The following EVI5 variants were observed in gnomAD, a reference collection of about 807,000 sequenced individuals.
The protein encoded by EVI5 is ecotropic viral integration site 5 protein homolog.
A neutral mutation model predicts 112.0 loss-of-function variants in EVI5; 73 were observed. That is an observed-to-expected ratio of 0.65 (90% confidence interval 0.54 to 0.79). The LOEUF is 0.79. Ranked by LOEUF, EVI5 falls within the 30% of genes least tolerant of loss-of-function variation. The pLI, the probability that EVI5 is intolerant of heterozygous loss-of-function variation, is 0.00. For synonymous variants in EVI5, 305 were observed against 319.9 expected, an observed-to-expected ratio of 0.95 and a Z score of 0.50; for missense variants, 900 against 968.8, an observed-to-expected ratio of 0.93 and a Z score of 0.94.
At chr1:92,526,012 T>C (rs748188587) in intron 19 of EVI5, among the ~76,000 whole-genome samples, 4 of 152,140 alleles carry the variant, frequency 2.6e-5, no homozygotes, top group Non-Finnish European at 5.9e-5. Flanking sequence ...TTTCCAAGAC[T>C]TTGAGTAGGG....
At position 92,607,638 on chromosome 1, in the gene EVI5, T is replaced by C. The variant is rs1488707895; in HGVS notation, c.1917A>G (p.Lys639=). 6.2e-7 allele frequency: 1 copy of C among 1,607,352 alleles called. No homozygotes were observed. The highest frequency in any genetic ancestry group is 8.5e-7 in the Non-Finnish European group (1 of 1,177,754). ...EKVQYLSAQN[K]GLLTQLSEAK... ...CTTCACTTAATTGAGTAAGGAGTCC[T>C]TTGTTCTGTGCAGAAAGATACTGCA... The change falls in exon 17 of 20, where the codon AAA becomes AAG. Residue 639 remains lysine, a synonymous_variant. Transcript: ENST00000684568.
intron 1 of EVI5, among the ~76,000 whole-genome samples, chr1:92,752,205 C>T (rs538651618): frequency 6.6e-6 from 1 of 152,060 alleles, no homozygotes; most frequent in Admixed American, 6.5e-5. Context: ...GACGGAATCT[C>T]GCTCTGTTGC....
At chr1:92,638,481 A>C (rs1427879573) in intron 13 of EVI5, among the ~76,000 whole-genome samples, 1 of 152,190 alleles carries the variant, frequency 6.6e-6, no homozygotes, top group Non-Finnish European at 1.5e-5. Flanking sequence ...TGCAAATTAC[A>C]CAGTGTCTAA....
At chr1:92,726,670 T>C (rs1253400000) in intron 2 of EVI5, among the ~76,000 whole-genome samples, 1 of 152,206 alleles carries the variant, frequency 6.6e-6, no homozygotes, top group Non-Finnish European at 1.5e-5. Context: ...AAAAGTTTTT[T>C]CTTATTATTT....
intron 18 of EVI5, among the ~76,000 whole-genome samples, chr1:92,576,201 TATG>T (rs890123837): frequency 2.0e-4 from 31 of 152,122 alleles, no homozygotes; most frequent in Middle Eastern, 3.4e-3. Context: ...GAGTCATATG[TATG>T]ATATTATGTA....
intron 2 of EVI5, among the ~76,000 whole-genome samples, chr1:92,724,382 G>A (rs1260296544): frequency 6.6e-6 from 1 of 152,090 alleles, no homozygotes; most frequent in Non-Finnish European, 1.5e-5. Context: ...CCATGCCAAA[G>A]GAAAATACAA....
intron 19 of EVI5, among the ~76,000 whole-genome samples, chr1:92,515,940 A>G (rs1464315471): frequency 2.0e-5 from 3 of 152,172 alleles, no homozygotes; most frequent in African/African-American, 7.2e-5. Flanking sequence ...CAAGTGGACA[A>G]ATTTATAGTG....
chr1:92,772,537 C>A (rs1683565940), intron 1 of EVI5, among the ~76,000 whole-genome samples: 1 of 152,098 alleles, frequency 6.6e-6, no homozygotes, highest in Admixed American at 6.5e-5. Flanking sequence ...TTCCCTACAA[C>A]TCAGTAATTC....
chr1:92,567,061 T>C (rs908165358), intron 18 of EVI5, among the ~76,000 whole-genome samples: 2 of 152,140 alleles, frequency 1.3e-5, no homozygotes, highest in African/African-American at 4.8e-5. Flanking sequence ...CCCACCCGCC[T>C]TGGCCTCCCA....
At position 92,674,687 on chromosome 1, in the gene EVI5, A is replaced by T. The variant is rs547887532; in HGVS notation, c.1158+2471T>A. On this transcript the variant is annotated intron_variant, in intron 10 of 19. Transcript: ENST00000684568. ...GTATCCCAGAACTTAAAGTATAATTAAAAAAAAAAAAGTATTCAGTTGAAA... is the reference window on the plus strand; with the variant it reads ...GTATCCCAGAACTTAAAGTATAATTTAAAAAAAAAAAGTATTCAGTTGAAA... 5.3e-3 allele frequency among the ~76,000 whole-genome samples: 765 copies of T among 144,082 alleles called. 2 individuals are homozygous for T. The highest frequency in any genetic ancestry group is 8.8e-3 in the Non-Finnish European group (573 of 65,082). 94.5% of individuals were successfully genotyped at this position (144,082 alleles called of 152,430 possible). A position where few individuals can be genotyped will look rare whatever the true frequency, so the allele number is the denominator to read the frequency against.
At position 92,512,344 on chromosome 1, in the gene EVI5, C is replaced by T. The variant is rs200425409; in HGVS notation, c.*1312G>A. ...AGCACTAACTAATATGTGCTATAAC[C>T]TCTTCAGTCATGAAAAATTTAGTAG... On this transcript the variant is annotated 3_prime_UTR_variant, in exon 20 of 20. Transcript: ENST00000684568. 2 of 152,476 alleles carry T rather than the reference C, an allele frequency of 1.3e-5. No individual in the cohort carries two copies. Among genetic ancestry groups the T allele is most frequent in the Non-Finnish European group, 2.9e-5 (2 of 68,036 alleles). The allele number at this position is 152,476 out of a possible 1,614,324, so 9.4% of individuals were successfully genotyped here.
In EVI5 at chr1:92,618,838, T is replaced by C. The variant is rs193109910; in HGVS notation, c.1827+5338A>G. 7.5e-4 allele frequency among the ~76,000 whole-genome samples: 114 copies of C among 152,350 alleles called. 2 individuals are homozygous for C. Among genetic ancestry groups the C allele is most frequent in the East Asian group, 4.8e-3 (25 of 5,180 alleles). On this transcript the variant is annotated intron_variant, in intron 16 of 19. Coordinates refer to ENST00000684568, the MANE Select transcript of EVI5 (RefSeq NM_001350197.2). ...AAATCATGTTTGTGTATGTATACAT[T>C]TGTACTAAGAAAATATATTTTATCA...
intron 13 of EVI5, among the ~76,000 whole-genome samples, chr1:92,654,811 A>G (rs1374469972): frequency 6.6e-6 from 1 of 152,230 alleles, no homozygotes; most frequent in African/African-American, 2.4e-5. Flanking sequence ...TGAAAAATTC[A>G]TTGAAGAAAT....
At chr1:92,652,894 G>A (rs966499840) in intron 13 of EVI5, among the ~76,000 whole-genome samples, 2 of 152,168 alleles carry the variant, frequency 1.3e-5, no homozygotes, top group Non-Finnish European at 2.9e-5. Context: ...GGCAGAGATC[G>A]GCTAGGAACC....
intron 13 of EVI5, among the ~76,000 whole-genome samples, chr1:92,650,647 C>A (rs1661926691): frequency 6.6e-6 from 1 of 151,970 alleles, no homozygotes; most frequent in Non-Finnish European, 1.5e-5. Flanking sequence ...GGAATAAAAT[C>A]TATAATCTTC....
intron 19 of EVI5, among the ~76,000 whole-genome samples, chr1:92,542,509 A>C (rs919887598): frequency 1.1e-4 from 16 of 152,098 alleles, no homozygotes; most frequent in African/African-American, 3.6e-4. Flanking sequence ...ATGAATCACA[A>C]ATGTTCTTAA....
intron 17 of EVI5, among the ~76,000 whole-genome samples, 163 bp from the exon 18 acceptor site, chr1:92,605,565 T>A (rs558858293): frequency 6.6e-6 from 1 of 152,268 alleles, no homozygotes; most frequent in East Asian, 1.9e-4. Flanking sequence ...AACGAAGCAG[T>A]GAGATATAAA....
chr1:92,687,311 T>C (rs531998095), intron 9 of EVI5, among the ~76,000 whole-genome samples: 2 of 152,298 alleles, frequency 1.3e-5, no homozygotes, highest in South Asian at 4.1e-4. Context: ...ATTTAATAAA[T>C]GATGCTGGGA....
chr1:92,614,457 T>G (rs1452426776), intron 16 of EVI5, among the ~76,000 whole-genome samples: 1 of 152,192 alleles, frequency 6.6e-6, no homozygotes, highest in African/African-American at 2.4e-5. Context: ...ATCCTGTGTG[T>G]GTCTGTGAGG....
Sources: allele counts gnomAD v4.1 joint callset (sites outside exome capture counted in the v4.1 genomes callset), GRCh38; gene constraint gnomAD v4.1.1; transcripts MANE v1.5; gene names NCBI Gene and HGNC (gene_info 2026-07-23, HGNC 2026-07-21).